ASTN2: variants seen among roughly 807,000 people sequenced by gnomAD.
ASTN2 encodes the protein astrotactin-2.
A neutral mutation model predicts 139.8 loss-of-function variants in ASTN2; 54 were observed. The ratio of observed to expected loss-of-function variants is 0.39; its 90% CI spans 0.31 to 0.48. ASTN2 has a LOEUF of 0.48. Ranked by LOEUF, ASTN2 falls within the 20% of genes least tolerant of loss-of-function variation. The pLI, the probability that ASTN2 is intolerant of heterozygous loss-of-function variation, is 0.95. For missense variants in ASTN2, 1,565 were observed against 1,725.1 expected, an observed-to-expected ratio of 0.91 and a Z score of 1.64; for synonymous variants, 756 against 719.5, an observed-to-expected ratio of 1.05 and a Z score of -0.81.
intron 10 of ASTN2, among the ~76,000 whole-genome samples, chr9:116,918,992 T>C (rs1834526475): frequency 6.6e-6 from 1 of 152,052 alleles, no homozygotes; most frequent in African/African-American, 2.4e-5. Context: ...TTGCTATTTA[T>C]TCACTGTATC....
At chr9:116,546,094 G>A (rs774633477) in intron 19 of ASTN2, 3 of 152,144 alleles carry the variant, frequency 2.0e-5, no homozygotes, top group South Asian at 2.1e-4. Flanking sequence ...AGAGTGCCTC[G>A]GGAAGAGCAG....
chr9:117,388,678 T>G (rs1830465599), intron 1 of ASTN2, among the ~76,000 whole-genome samples: 1 of 152,154 alleles, frequency 6.6e-6, no homozygotes, highest in African/African-American at 2.4e-5. Context: ...GTAGCCAAGA[T>G]TAGAAGTCAG....
chr9:117,134,592 A>G (rs1288110424), intron 4 of ASTN2, among the ~76,000 whole-genome samples: 1 of 151,874 alleles, frequency 6.6e-6, no homozygotes, highest in African/African-American at 2.4e-5. Flanking sequence ...GCACAGCTTC[A>G]TCCCTATGTG....
chr9:117,178,011 T>A (rs918146889), intron 3 of ASTN2, among the ~76,000 whole-genome samples: 8 of 152,182 alleles, frequency 5.3e-5, no homozygotes, highest in Admixed American at 4.6e-4. Flanking sequence ...AATCTCACCA[T>A]CTATAATTCT....
At chr9:116,609,677 GTATC>G in intron 19 of ASTN2, among the ~76,000 whole-genome samples, 1 of 151,690 alleles carries the variant, frequency 6.6e-6, no homozygotes, top group Non-Finnish European at 1.5e-5. Flanking sequence ...ACCAAAGTTA[GTATC>G]TACATGGGTA....
At chr9:117,027,806 A>G (rs866094214) in intron 6 of ASTN2, among the ~76,000 whole-genome samples, 2 of 152,098 alleles carry the variant, frequency 1.3e-5, no homozygotes, top group Non-Finnish European at 1.5e-5. Flanking sequence ...TAAATGACAC[A>G]TGTGATCCCT....
intron 16 of ASTN2, chr9:116,700,959 A>AAGGTTTAGAGTCACCAATACCCTATTCTG (rs2132079144): frequency 6.0e-6 from 1 of 167,188 alleles, no homozygotes; most frequent in Non-Finnish European, 1.5e-5. Context: ...ATCATCCCCC[A>AAGGTTTAGAGTCACCAATACCCTATTCTG]AGGTTTAGAG....
chr9:116,756,790 CACACACACAT>C (rs1272005543), intron 13 of ASTN2, among the ~76,000 whole-genome samples: 42 of 151,552 alleles, frequency 2.8e-4, no homozygotes, highest in Admixed American at 2.2e-3. Flanking sequence ...CACACACACA[CACACACACAT>C]ACACACACAC....
chr9:116,656,251 G>A (rs750337233), intron 16 of ASTN2, among the ~76,000 whole-genome samples: 1 of 152,046 alleles, frequency 6.6e-6, no homozygotes, highest in Non-Finnish European at 1.5e-5. Context: ...TCCAAGCATC[G>A]ATGAACCTAA....
intron 11 of ASTN2, among the ~76,000 whole-genome samples, chr9:116,821,155 G>T (rs1831473845): frequency 6.6e-6 from 1 of 152,064 alleles, no homozygotes; most frequent in Non-Finnish European, 1.5e-5. Context: ...TGCCCTATAG[G>T]GTCTACTGCT....
intron 11 of ASTN2, among the ~76,000 whole-genome samples, chr9:116,852,351 T>G (rs1832628928): frequency 6.6e-6 from 1 of 152,212 alleles, no homozygotes; most frequent in Non-Finnish European, 1.5e-5. Flanking sequence ...TTGTCCAAAG[T>G]CACACAGCTT....
chr9:117,376,105 G>T (rs1203118612), intron 1 of ASTN2, among the ~76,000 whole-genome samples: 1 of 151,952 alleles, frequency 6.6e-6, no homozygotes, highest in African/African-American at 2.4e-5. Flanking sequence ...TTTCCATATG[G>T]CATAGAATAT....
At chr9:116,723,673 A>G (rs1828536343) in intron 16 of ASTN2, among the ~76,000 whole-genome samples, 1 of 152,190 alleles carries the variant, frequency 6.6e-6, no homozygotes, top group Admixed American at 6.5e-5. Flanking sequence ...CTCATCTCCC[A>G]TTCCCTAGCA....
chr9:116,718,039 A>T (rs1828362899), intron 16 of ASTN2, among the ~76,000 whole-genome samples: 1 of 152,280 alleles, frequency 6.6e-6, no homozygotes, highest in Non-Finnish European at 1.5e-5. Flanking sequence ...GTGCAGCAAG[A>T]GAGAAAGATG....
intron 3 of ASTN2, among the ~76,000 whole-genome samples, chr9:117,186,396 A>G (rs1028233888): frequency 2.0e-5 from 3 of 151,594 alleles, no homozygotes; most frequent in Non-Finnish European, 4.4e-5. Context: ...AAATACAAAA[A>G]ATTAGCCGGG....
At chr9:116,744,421 C>T (rs1442448845) in intron 13 of ASTN2, among the ~76,000 whole-genome samples, 1 of 152,002 alleles carries the variant, frequency 6.6e-6, no homozygotes, top group African/African-American at 2.4e-5. Context: ...CAGATAGGAG[C>T]TTCAAAAAGA....
intron 2 of ASTN2, among the ~76,000 whole-genome samples, chr9:117,289,557 G>A (rs1220838524): frequency 6.6e-6 from 1 of 152,198 alleles, no homozygotes; most frequent in East Asian, 1.9e-4. Flanking sequence ...ATACATGCAA[G>A]TAAATGTGCT....
chr9:116,446,272 TAGAGAGAGAGAG>T (rs3040241), intron 20 of ASTN2, among the ~76,000 whole-genome samples: 72 of 119,122 alleles, frequency 6.0e-4, no homozygotes, highest in South Asian at 2.2e-3. Context: ...GAGAGAGAGA[TAGAGAGAGAGAG>T]AGAGAGAGAG....
At chr9:117,225,340 T>A (rs1443282676) in intron 2 of ASTN2, among the ~76,000 whole-genome samples, 1 of 151,428 alleles carries the variant, frequency 6.6e-6, no homozygotes, top group Non-Finnish European at 1.5e-5. Context: ...CAAATCCCAC[T>A]CTGAAGGACG....
Sources: gnomAD v4.1 joint callset for allele counts (sites outside exome capture counted in the v4.1 genomes callset) on GRCh38, gnomAD v4.1.1 for gene constraint, MANE v1.5 for transcripts, NCBI Gene and HGNC (gene_info 2026-07-23, HGNC 2026-07-21) for gene names.